TLE4: variants seen among roughly 807,000 people sequenced by gnomAD.
TLE4 encodes the protein transducin-like enhancer protein 4.
A neutral mutation model predicts 92.8 loss-of-function variants in TLE4; 8 were observed. That is an observed-to-expected ratio of 0.09 (90% CI 0.05 to 0.16). TLE4 has a LOEUF of 0.16. Ranked by LOEUF, TLE4 falls within the 10% of genes least tolerant of loss-of-function variation. TLE4 has a pLI of 1.00. For missense variants in TLE4, 675 were observed against 997.6 expected (o/e 0.68, Z 4.36); for synonymous variants, 371 against 374.1 (o/e 0.99, Z 0.10).
At chr9:79,696,837 A>T (rs1170266912) in intron 8 of TLE4, among the ~76,000 whole-genome samples, 1 of 152,200 alleles carries the variant, frequency 6.6e-6, no homozygotes, top group African/African-American at 2.4e-5. Flanking sequence ...TGATATTTTC[A>T]TTCAAAAACA....
At chr9:79,627,235 T>G (rs1473537826) in intron 5 of TLE4, 139 bp from the exon 6 acceptor site, 1 of 812,290 alleles carries the variant, frequency 1.2e-6, no homozygotes, top group Non-Finnish European at 2.1e-6. Context: ...ATCCATCACC[T>G]CAGGCTTGTA....
chr9:79,594,877 A>G (rs531691208), intron 4 of TLE4, among the ~76,000 whole-genome samples: 2 of 152,374 alleles, frequency 1.3e-5, no homozygotes, highest in South Asian at 4.1e-4. Context: ...CAAAACTCCA[A>G]CTTAAAGCTC....
intron 4 of TLE4, among the ~76,000 whole-genome samples, chr9:79,608,073 T>G (rs1384153103): frequency 6.6e-6 from 1 of 152,124 alleles, no homozygotes; most frequent in Admixed American, 6.6e-5. Context: ...TTCTCTTGCC[T>G]GTTTGCCCTG....
intron 4 of TLE4, among the ~76,000 whole-genome samples, chr9:79,593,768 C>T (rs1267259889): frequency 6.6e-6 from 1 of 152,140 alleles, no homozygotes; most frequent in Non-Finnish European, 1.5e-5. Flanking sequence ...TGAAAAAATA[C>T]TTTTCTAGTC....
At chr9:79,605,642 T>TAGACCAGAGCTCTG (rs879535177) in intron 4 of TLE4, among the ~76,000 whole-genome samples, 12 of 152,064 alleles carry the variant, frequency 7.9e-5, no homozygotes, top group Non-Finnish European at 1.6e-4. Context: ...GGGGATAGAC[T>TAGACCAGAGCTCTG]GGAATAGTAC....
intron 5 of TLE4, among the ~76,000 whole-genome samples, chr9:79,621,942 C>T (rs2051120651): frequency 6.6e-6 from 1 of 152,218 alleles, no homozygotes; most frequent in Non-Finnish European, 1.5e-5. Context: ...AGCCCTCTAA[C>T]TGTTTACCCT....
intron 4 of TLE4, among the ~76,000 whole-genome samples, chr9:79,577,368 A>G (rs577520558): frequency 1.3e-5 from 2 of 152,130 alleles, no homozygotes; most frequent in Non-Finnish European, 2.9e-5. Context: ...AAAAAATGAG[A>G]CGTTGCTTAC....
chr9:79,719,003 T>G, intron 15 of TLE4, 32 bp downstream of exon 15: 2 of 1,581,694 alleles, frequency 1.3e-6, no homozygotes, highest in East Asian at 4.5e-5. Flanking sequence ...AGACTTAGAC[T>G]TTCATTCAGA....
intron 8 of TLE4, 89 bp downstream of exon 8, chr9:79,654,164 G>A: frequency 7.3e-7 from 1 of 1,361,494 alleles, no homozygotes; most frequent in Non-Finnish European, 1.0e-6. Context: ...TTGAGATTTA[G>A]AGAATGATTT....
At chr9:79,573,622 G>A (rs1320580019) in intron 1 of TLE4, 67 bp from the exon 2 acceptor site, 12 of 1,348,050 alleles carry the variant, frequency 8.9e-6, no homozygotes, top group South Asian at 5.5e-5. Flanking sequence ...CCGCATAGTA[G>A]GTTTTCTCCG....
chr9:79,585,886 A>G (rs189168977), intron 4 of TLE4, among the ~76,000 whole-genome samples: 2 of 152,246 alleles, frequency 1.3e-5, no homozygotes, highest in East Asian at 3.9e-4. Flanking sequence ...ATGTTAGATG[A>G]CAAAGTTCTT....
chr9:79,606,187 G>GTTTTTTTT (rs71364420), intron 4 of TLE4, among the ~76,000 whole-genome samples: 383 of 28,708 alleles, frequency 0.013, 157 homozygotes, highest in East Asian at 0.019. Context: ...AGTAGTAGTT[G>GTTTTTTTT]TTTTTTTTTT....
intron 8 of TLE4, among the ~76,000 whole-genome samples, chr9:79,696,960 C>A (rs1289004078): frequency 2.0e-5 from 3 of 152,042 alleles, no homozygotes. Flanking sequence ...ACTCATGTAC[C>A]ACATGAGATT....
At chr9:79,652,919 G>A in intron 7 of TLE4, 125 bp downstream of exon 7, 1 of 1,070,832 alleles carries the variant, frequency 9.3e-7, no homozygotes, top group Non-Finnish European at 1.4e-6. Context: ...GATTTCCACT[G>A]GAAGGTAAAT....
intron 4 of TLE4, among the ~76,000 whole-genome samples, chr9:79,584,262 C>G (rs902094509): frequency 6.6e-6 from 1 of 152,176 alleles, no homozygotes; most frequent in Non-Finnish European, 1.5e-5. Flanking sequence ...AGTGTTACAC[C>G]GTCATCTCTA....
At chr9:79,693,475 G>A (rs11138336) in intron 8 of TLE4, among the ~76,000 whole-genome samples, 83,659 of 151,928 alleles carry the variant, frequency 0.55, 24,924 homozygotes, top group East Asian at 0.73. Flanking sequence ...TTGCTTGTAC[G>A]CATTAGGTTG....
intron 14 of TLE4, among the ~76,000 whole-genome samples, chr9:79,713,511 T>C (rs1399691899): frequency 6.6e-6 from 1 of 152,174 alleles, no homozygotes; most frequent in Non-Finnish European, 1.5e-5. Flanking sequence ...TCTGACTCCC[T>C]GCACCCTCTC....
At chr9:79,689,918 C>T (rs1254698670) in intron 8 of TLE4, among the ~76,000 whole-genome samples, 1 of 152,180 alleles carries the variant, frequency 6.6e-6, no homozygotes, top group East Asian at 1.9e-4. Context: ...CCTACCCTCT[C>T]TGGACAGCGT....
At chr9:79,659,753 G>A (rs2060267032) in intron 8 of TLE4, among the ~76,000 whole-genome samples, 1 of 152,090 alleles carries the variant, frequency 6.6e-6, no homozygotes, top group African/African-American at 2.4e-5. Flanking sequence ...AGGGCATGGG[G>A]AATCAGGGAT....
Sources: allele counts gnomAD v4.1 joint callset (sites outside exome capture counted in the v4.1 genomes callset), GRCh38; gene constraint gnomAD v4.1.1; transcripts MANE v1.5; gene names NCBI Gene and HGNC (gene_info 2026-07-23, HGNC 2026-07-21).